Variants in HOMER2 observed in about 807,000 individuals in gnomAD.
HOMER2 encodes homer protein homolog 2.
Under a neutral mutation model 47.0 loss-of-function variants are expected in HOMER2, and 27 were observed. The ratio of observed to expected loss-of-function variants is 0.57; its 90% CI spans 0.42 to 0.79. The LOEUF (loss-of-function observed/expected upper bound fraction) is 0.79, where lower values mean the gene tolerates loss of function less well. Ranked by LOEUF, HOMER2 falls within the 30% of genes least tolerant of loss-of-function variation. The probability of loss-of-function intolerance (pLI) is 0.00; values close to 1 mark genes in which losing one functional copy is unlikely to be tolerated. For missense variants in HOMER2, 443 were observed against 435.0 expected (o/e 1.02, Z -0.16); for synonymous variants, 161 against 163.8 (o/e 0.98, Z 0.13).
At chr15:82,836,505 C>T (rs913591241), downstream of HOMER2, among the ~76,000 whole-genome samples, 2 of 152,254 alleles carry the variant, frequency 1.3e-5, no homozygotes, top group Non-Finnish European at 1.5e-5. Context: ...ATTCTCCCTG[C>T]ACCCTTCATG....
intron 1 of HOMER2, among the ~76,000 whole-genome samples, chr15:82,933,523 AG>A (rs1379119416): frequency 1.3e-5 from 2 of 152,158 alleles, no homozygotes; most frequent in African/African-American, 4.8e-5. Flanking sequence ...CTAGGTTTAC[AG>A]GTGTGAGCCA....
chr15:82,840,570 C>CA (rs1942017063), exon 2 of HOMER2: 1 of 152,188 alleles, frequency 6.6e-6, no homozygotes, highest in Non-Finnish European at 1.5e-5. Flanking sequence ...CCTACTGCTT[C>CA]AGCCTCCTGA....
At position 82,843,442 on chromosome 15, in the gene HOMER2, C is replaced by CAAAAAAAAAA. The variant is rs56335970; in HGVS notation, c.*3822_*3831dup. 1.9e-3 allele frequency: 40 copies of CAAAAAAAAAA among 20,524 alleles called. 2 individuals carry two copies. The highest frequency in any genetic ancestry group is 2.5e-3 in the Non-Finnish European group (34 of 13,660). The allele number at this position is 20,524 out of a possible 1,614,324, so 1.3% of individuals were successfully genotyped here. A position where few individuals can be genotyped will look rare whatever the true frequency, so the allele number is the denominator to read the frequency against. On this transcript the variant is annotated 3_prime_UTR_variant, in exon 2 of 2. Transcript: ENST00000558090. ...CTGGGGGCCAGGGTGGACCCCGTCT[C>CAAAAAAAAAA]AAAAAAAAAAAAAAAAAAAAAAAAA...
downstream of HOMER2, chr15:82,844,276 G>A (rs184447415): frequency 2.7e-5 from 4 of 150,552 alleles, no homozygotes; most frequent in Non-Finnish European, 4.5e-5. Flanking sequence ...TTGAGCCAGT[G>A]ATAACTTCAG....
At chr15:82,893,329 CTTTTTT>C (rs771392216) in intron 1 of HOMER2, among the ~76,000 whole-genome samples, 7 of 118,958 alleles carry the variant, frequency 5.9e-5, no homozygotes, top group African/African-American at 1.6e-4. Context: ...ATAATTTTAT[CTTTTTT>C]TTTTTTTTTT....
At chr15:82,906,771 T>C (rs1029157645) in intron 1 of HOMER2, among the ~76,000 whole-genome samples, 2 of 151,988 alleles carry the variant, frequency 1.3e-5, no homozygotes, top group African/African-American at 4.8e-5. Context: ...CACATATAGA[T>C]TAAAAGCAAA....
intron 1 of HOMER2, among the ~76,000 whole-genome samples, chr15:82,934,209 C>T (rs1489168696): frequency 5.9e-5 from 9 of 152,122 alleles, no homozygotes; most frequent in Non-Finnish European, 1.5e-5. Context: ...GCCCTGGAGG[C>T]GAGGTCATTC....
At chr15:82,972,222 T>C (rs1797017990) in intron 1 of HOMER2, among the ~76,000 whole-genome samples, 1 of 152,202 alleles carries the variant, frequency 6.6e-6, no homozygotes, top group Non-Finnish European at 1.5e-5. Context: ...ACCCAGGCAA[T>C]CACAAATCTG....
At chr15:82,853,393 G>A (rs553656195) in intron 6 of HOMER2, among the ~76,000 whole-genome samples, 1 of 152,354 alleles carries the variant, frequency 6.6e-6, no homozygotes, top group East Asian at 1.9e-4. Flanking sequence ...AACGTGCAAA[G>A]TCAGCAATTG....
exon 2 of HOMER2, chr15:82,838,062 G>C (rs1342068561): frequency 6.5e-6 from 1 of 152,746 alleles, no homozygotes; most frequent in Non-Finnish European, 1.5e-5. Flanking sequence ...AACACAGGGA[G>C]AGTGCACAGC....
At chr15:82,846,906 G>A (rs964972928), downstream of HOMER2, 2 of 152,206 alleles carry the variant, frequency 1.3e-5, no homozygotes, top group African/African-American at 4.8e-5. Context: ...GGAATGAAAG[G>A]TTATTTTTAA....
rs371910039 is a variant in HOMER2, at chr15:82,880,682, G to A, written c.163-5278C>T. ...GGAGACACTGGAAGATTGTGTTAGG[G>A]ACCGAGGAGGTGGCTGGACCTGTGG... On this transcript the variant is annotated intron_variant, in intron 2 of 8. Coordinates refer to ENST00000450735, the MANE Select transcript of HOMER2 (RefSeq NM_004839.4). 2.6e-4 allele frequency among the ~76,000 whole-genome samples: 39 copies of A among 152,304 alleles called. 2 individuals carry two copies. In the East Asian group the frequency reaches 3.7e-3, roughly 14 times the overall value.
At chr15:82,974,404 CAA>C (rs748948266) in intron 1 of HOMER2, among the ~76,000 whole-genome samples, 13 of 129,920 alleles carry the variant, frequency 1.0e-4, no homozygotes, top group African/African-American at 1.1e-4. Context: ...AACTCTATCT[CAA>C]AAAAAAAAAA....
intron 1 of HOMER2, among the ~76,000 whole-genome samples, chr15:82,970,847 C>T (rs2029960733): frequency 6.6e-6 from 1 of 152,174 alleles, no homozygotes; most frequent in African/African-American, 2.4e-5. Flanking sequence ...AAAATATCTC[C>T]AGCTCCTGTT....
At chr15:82,910,091 C>G (rs2053408893) in intron 1 of HOMER2, among the ~76,000 whole-genome samples, 1 of 127,308 alleles carries the variant, frequency 7.9e-6, no homozygotes, top group African/African-American at 3.1e-5. Context: ...TGAGATCATG[C>G]TACTGCACTC....
At chr15:82,932,152 T>C (rs1240174888) in intron 1 of HOMER2, among the ~76,000 whole-genome samples, 1 of 152,116 alleles carries the variant, frequency 6.6e-6, no homozygotes, top group Non-Finnish European at 1.5e-5. Flanking sequence ...AGAGACCATC[T>C]AGGTGGGCAA....
At chr15:82,954,494 G>A (rs1383690679), upstream of HOMER2, among the ~76,000 whole-genome samples, 1 of 148,816 alleles carries the variant, frequency 6.7e-6, no homozygotes, top group East Asian at 2.0e-4. Context: ...AGTAGAGACA[G>A]GGTTTCACCA....
intron 1 of HOMER2, among the ~76,000 whole-genome samples, chr15:82,904,283 C>T (rs2053221874): frequency 6.6e-6 from 1 of 152,130 alleles, no homozygotes; most frequent in African/African-American, 2.4e-5. Context: ...AAGCCATAAG[C>T]AGAGACCTCT....
At chr15:82,867,906 G>A (rs2052027825) in intron 3 of HOMER2, among the ~76,000 whole-genome samples, 2 of 152,124 alleles carry the variant, frequency 1.3e-5, no homozygotes, top group East Asian at 1.9e-4. Context: ...GAGAATGATA[G>A]AGAGAAACTT....
Sources: allele counts gnomAD v4.1 joint callset (sites outside exome capture counted in the v4.1 genomes callset), GRCh38; gene constraint gnomAD v4.1.1; transcripts MANE v1.5; gene names NCBI Gene and HGNC (gene_info 2026-07-23, HGNC 2026-07-21).